SORT1: variants seen among roughly 807,000 people sequenced by gnomAD.
SORT1 encodes sortilin.
A neutral mutation model predicts 101.7 loss-of-function variants in SORT1; 39 were observed. The observed-to-expected ratio is 0.38, with a 90% CI of 0.30 to 0.50. The LOEUF (loss-of-function observed/expected upper bound fraction) is 0.50. SORT1 is among the 20% of genes least tolerant of loss of function. SORT1 has a pLI of 0.90. For synonymous variants in SORT1, 396 were observed against 393.7 expected, an observed-to-expected ratio of 1.01 and a Z score of -0.07; for missense variants, 878 against 1,040.4, an observed-to-expected ratio of 0.84 and a Z score of 2.15.
chr1:109,341,019 G>T, intron 9 of SORT1, 140 bp from the exon 10 acceptor site: 1 of 639,068 alleles, frequency 1.6e-6, no homozygotes. Context: ...TCAGACCTGA[G>T]AATTAATCAA....
At chr1:109,389,221 G>A (rs1652760334) in intron 1 of SORT1, among the ~76,000 whole-genome samples, 1 of 152,094 alleles carries the variant, frequency 6.6e-6, no homozygotes, top group Non-Finnish European at 1.5e-5. Context: ...GTACTTCAAG[G>A]TTTCAAAATA....
At chr1:109,321,189 G>T (rs373949514) in intron 15 of SORT1, among the ~76,000 whole-genome samples, 11 of 152,196 alleles carry the variant, frequency 7.2e-5, no homozygotes, top group Non-Finnish European at 1.2e-4. Flanking sequence ...GGGGCTTAAT[G>T]ATGGAAGCAA....
chr1:109,323,596 G>C (rs1647786043), intron 14 of SORT1, among the ~76,000 whole-genome samples: 1 of 152,208 alleles, frequency 6.6e-6, no homozygotes, highest in Non-Finnish European at 1.5e-5. Context: ...AAGGAAGAAG[G>C]GAAAACATCC....
rs372702443 is a variant in SORT1 at position 109,385,866 on chromosome 1, A to G, written c.306+11721T>C. On this transcript the variant is annotated intron_variant, in intron 1 of 19. Coordinates refer to ENST00000256637, the MANE Select transcript of SORT1 (RefSeq NM_002959.7). ...GTGGTTACTATTTTTCTTCTTGGTAATTACTACATTTATAATTATATATCA... is the reference window on the plus strand; with the variant it reads ...GTGGTTACTATTTTTCTTCTTGGTAGTTACTACATTTATAATTATATATCA... 4.6e-5 allele frequency among the ~76,000 whole-genome samples: 7 copies of G among 152,186 alleles called. 1 individual carries two copies. The highest frequency in any genetic ancestry group is 3.3e-4 in the Admixed American group (5 of 15,272).
chr1:109,376,722 A>G (rs952443210), intron 1 of SORT1, among the ~76,000 whole-genome samples: 3 of 152,204 alleles, frequency 2.0e-5, no homozygotes, highest in Non-Finnish European at 4.4e-5. Context: ...GATGGCAACA[A>G]CAGAAACGGG....
intron 5 of SORT1, among the ~76,000 whole-genome samples, chr1:109,354,129 T>C (rs1650148234): frequency 6.6e-6 from 1 of 152,208 alleles, no homozygotes; most frequent in African/African-American, 2.4e-5. Flanking sequence ...ACCATACATT[T>C]AGTCACTTAA....
intron 8 of SORT1, among the ~76,000 whole-genome samples, chr1:109,344,438 T>C (rs1485108324): frequency 1.3e-5 from 2 of 152,194 alleles, no homozygotes; most frequent in Non-Finnish European, 2.9e-5. Context: ...ACTATTATTC[T>C]CTGTGCTCCC....
At chr1:109,385,076 T>TCAACAA (rs376913149) in intron 1 of SORT1, among the ~76,000 whole-genome samples, 4 of 152,016 alleles carry the variant, frequency 2.6e-5, no homozygotes, top group East Asian at 1.9e-4. Flanking sequence ...AGACTCTGTC[T>TCAACAA]CAACAACAAC....
intron 1 of SORT1, among the ~76,000 whole-genome samples, chr1:109,383,527 A>T (rs1028099732): frequency 2.0e-5 from 3 of 152,246 alleles, no homozygotes; most frequent in African/African-American, 7.2e-5. Flanking sequence ...CTGGTTGGGA[A>T]GGTAAGCACA....
intron 15 of SORT1, among the ~76,000 whole-genome samples, chr1:109,320,436 A>G (rs1647545455): frequency 6.6e-6 from 1 of 151,972 alleles, no homozygotes; most frequent in African/African-American, 2.4e-5. Flanking sequence ...TCTGGGCCCT[A>G]CTTACTTCTT....
chr1:109,359,202 T>C (rs1257424047), intron 3 of SORT1, among the ~76,000 whole-genome samples: 2 of 152,052 alleles, frequency 1.3e-5, no homozygotes, highest in African/African-American at 4.8e-5. Flanking sequence ...CTCTTGTCAC[T>C]GTAACCGTAC....
chr1:109,387,479 T>C (rs1399499270), intron 1 of SORT1, among the ~76,000 whole-genome samples: 2 of 151,906 alleles, frequency 1.3e-5, no homozygotes, highest in Non-Finnish European at 2.9e-5. Flanking sequence ...GGTGACACAG[T>C]AAAGACCATG....
At chr1:109,352,279 G>A (rs140406691) in intron 5 of SORT1, among the ~76,000 whole-genome samples, 1 of 152,122 alleles carries the variant, frequency 6.6e-6, no homozygotes, top group African/African-American at 2.4e-5. Context: ...ATTATAGGTG[G>A]TGGTAGCTAA....
Position 109,327,528 on chromosome 1 carries a change from G to A in SORT1, c.1445C>T (p.Pro482Leu), listed in dbSNP as rs1431794077. 4 of 1,611,282 alleles carry A rather than the reference G, an allele frequency of 2.5e-6. No individual in the cohort carries two copies. Among genetic ancestry groups the A allele is most frequent in the African/African-American group, 1.3e-5 (1 of 74,904 alleles). Residue 482 changes from proline (P) to leucine (L), a missense_variant, in exon 12 of 20, where the codon CCG becomes CTG. Coordinates refer to ENST00000256637, the MANE Select transcript of SORT1 (RefSeq NM_002959.7). ...AGCAATGACAATGCCTACGGCATTC[G>A]GCTCTGAGAGTGGGGCCATTGGAAC... ...LNVPMAPLSEPNAVGIVIAHG... is the reference protein window; with the variant it reads ...LNVPMAPLSELNAVGIVIAHG...
chr1:109,365,855 A>C (rs1362797639), intron 3 of SORT1, among the ~76,000 whole-genome samples: 1 of 152,224 alleles, frequency 6.6e-6, no homozygotes, highest in Admixed American at 6.5e-5. Flanking sequence ...CTCTGGCTCC[A>C]TGCCCAGGAG....
chr1:109,383,138 A>C (rs1384482211), intron 1 of SORT1, among the ~76,000 whole-genome samples: 1 of 152,208 alleles, frequency 6.6e-6, no homozygotes, highest in Admixed American at 6.5e-5. Flanking sequence ...ACATGATCAA[A>C]AATAAAACAC....
At chr1:109,317,252 A>G (rs1219469609) in intron 16 of SORT1, among the ~76,000 whole-genome samples, 3 of 152,224 alleles carry the variant, frequency 2.0e-5, no homozygotes, top group Non-Finnish European at 4.4e-5. Flanking sequence ...AAGTGGTACA[A>G]AATGGGAGAG....
intron 13 of SORT1, among the ~76,000 whole-genome samples, chr1:109,325,952 G>A (rs1330464644): frequency 6.6e-6 from 1 of 152,008 alleles, no homozygotes; most frequent in Non-Finnish European, 1.5e-5. Flanking sequence ...AGTGAGCCAA[G>A]ATTGCACCAT....
At chr1:109,323,353 T>C (rs796750638) in intron 14 of SORT1, among the ~76,000 whole-genome samples, 1 of 152,342 alleles carries the variant, frequency 6.6e-6, no homozygotes, top group African/African-American at 2.4e-5. Context: ...ATCTGAGGAT[T>C]AGGAAAAACC....
Sources: allele counts gnomAD v4.1 joint callset (sites outside exome capture counted in the v4.1 genomes callset), GRCh38; gene constraint gnomAD v4.1.1; transcripts MANE v1.5; gene names NCBI Gene and HGNC (gene_info 2026-07-23, HGNC 2026-07-21).